COL4A4: variants seen among roughly 807,000 people sequenced by gnomAD.
COL4A4 encodes the protein collagen type IV alpha 4 chain, also known as collagen alpha-4(IV) chain.
Under a neutral mutation model 192.9 loss-of-function variants are expected in COL4A4, and 105 were observed. The ratio of observed to expected loss-of-function variants is 0.54; its 90% CI spans 0.46 to 0.64. The LOEUF (loss-of-function observed/expected upper bound fraction) is 0.64. Ranked by LOEUF, COL4A4 falls within the 30% of genes least tolerant of loss-of-function variation. The pLI is 0.00. For missense variants in COL4A4, 1,967 were observed against 2,169.3 expected (o/e 0.91, Z 1.85); for synonymous variants, 762 against 769.9 (o/e 0.99, Z 0.17).
chr2:226,993,274 C>G, the COL4A4 span, among the ~76,000 whole-genome samples: 2 of 152,228 alleles, frequency 1.3e-5, no homozygotes, highest in Admixed American at 1.3e-4. Context: ...AGCAGTCTTT[C>G]AGCCTCCATG....
chr2:227,048,990 G>A (rs10177528), intron 34 of COL4A4, among the ~76,000 whole-genome samples: 77,940 of 151,956 alleles, frequency 0.51, 20,117 homozygotes, highest in South Asian at 0.63. Flanking sequence ...TAAGGCAGAG[G>A]ATTGTAGGTC....
chr2:227,026,371 G>A (rs956789348), intron 42 of COL4A4, among the ~76,000 whole-genome samples: 2 of 151,974 alleles, frequency 1.3e-5, no homozygotes, highest in African/African-American at 2.4e-5. Flanking sequence ...GGTGGCGGGC[G>A]CCTGTAGTCC....
rs1326890559 is a variant in COL4A4 at position 227,123,786 on chromosome 2, G to C, written c.193-2638C>G. On this transcript the variant is annotated intron_variant, in intron 4 of 47. Coordinates refer to ENST00000396625, the MANE Select transcript of COL4A4 (RefSeq NM_000092.5). The surrounding 1 kb of genome is among the most constrained non-coding windows in gnomAD (Gnocchi z 4.6). ...TGTGGGACCCCAAAAGCACGTGCAA[G>C]CTGCCAGCAAAGTCCATCTGTTCAG... Among the ~76,000 whole-genome samples the C allele has an allele frequency of 2.6e-5, 4 of 152,178 alleles. No homozygotes were observed. Among genetic ancestry groups the C allele is most frequent in the Non-Finnish European group, 5.9e-5 (4 of 68,038 alleles).
chr2:227,094,374 C>G (rs772577640), intron 19 of COL4A4, 85 bp from the exon 20 acceptor site: 61 of 1,395,532 alleles, frequency 4.4e-5, no homozygotes, highest in Non-Finnish European at 5.7e-5. Context: ...TACACACTTG[C>G]TTAGGTTATC....
rs16823202 is a variant in COL4A4, at chr2:227,101,432, C to T, written c.1029+72G>A. 740,029 of 1,239,530 alleles carry T rather than the reference C, an allele frequency of 0.6. 224,169 individuals carry two copies. The highest frequency in any genetic ancestry group is 0.78 in the African/African-American group (51,064 of 65,216). 76.8% of individuals were successfully genotyped at this position (1,239,530 alleles called of 1,614,324 possible). On this transcript the variant is annotated intron_variant, in intron 17 of 47. Coordinates refer to ENST00000396625, the MANE Select transcript of COL4A4 (RefSeq NM_000092.5). ...TCTTGAATGATTCCTGGCAATACTT[C>T]TAAAAATAAATTAGATAATATTAAG...
chr2:227,146,113 T>C (rs564355485), intron 2 of COL4A4, among the ~76,000 whole-genome samples: 10 of 152,324 alleles, frequency 6.6e-5, no homozygotes, highest in African/African-American at 2.2e-4. Flanking sequence ...AAACCTTTTA[T>C]AGAAGAGCAA....
intron 25 of COL4A4, among the ~76,000 whole-genome samples, chr2:227,070,218 A>G (rs1337722151): frequency 1.3e-5 from 2 of 151,938 alleles, no homozygotes; most frequent in African/African-American, 4.8e-5. Context: ...GTCAGGAAAC[A>G]ACAAGTGCTG....
chr2:227,146,212 T>C (rs1365591854), intron 2 of COL4A4, among the ~76,000 whole-genome samples: 2 of 152,116 alleles, frequency 1.3e-5, no homozygotes, highest in Non-Finnish European at 2.9e-5. Flanking sequence ...CCGAAGCTCC[T>C]TCATAGTCCC....
chr2:227,060,030 G>A (rs1027801560), intron 27 of COL4A4, 106 bp downstream of exon 27: 3 of 767,010 alleles, frequency 3.9e-6, no homozygotes, highest in Non-Finnish European at 6.4e-6. Context: ...AGGGATCCCT[G>A]GACCATTTCC....
chr2:227,028,737 C>T (rs557757477), intron 41 of COL4A4, among the ~76,000 whole-genome samples: 6 of 151,616 alleles, frequency 4.0e-5, no homozygotes, highest in African/African-American at 1.5e-4. Context: ...CTCACTGCAG[C>T]CTCCAACTCT....
At chr2:227,126,183 G>C (rs2062075095) in intron 4 of COL4A4, among the ~76,000 whole-genome samples, 1 of 152,144 alleles carries the variant, frequency 6.6e-6, no homozygotes, top group African/African-American at 2.4e-5. Flanking sequence ...ACCTAGAAAT[G>C]ATTTGTAGTA....
chr2:227,100,631 T>C (rs2060455802), intron 17 of COL4A4, among the ~76,000 whole-genome samples: 1 of 152,060 alleles, frequency 6.6e-6, no homozygotes, highest in African/African-American at 2.4e-5. Flanking sequence ...AGGGTTTTGG[T>C]AGCCTAGGGG....
the COL4A4 span, among the ~76,000 whole-genome samples, chr2:226,982,515 T>C: frequency 6.6e-6 from 1 of 152,244 alleles, no homozygotes; most frequent in Non-Finnish European, 1.5e-5. Context: ...ATAGATGTAA[T>C]ACATCTCATA....
At chr2:227,109,310 A>G (rs1362846170) in intron 9 of COL4A4, 24 bp from the exon 10 acceptor site, 2 of 1,592,364 alleles carry the variant, frequency 1.3e-6, no homozygotes, top group Non-Finnish European at 1.7e-6. Context: ...AAATCAGTGC[A>G]TCTGTTACCC....
intron 1 of COL4A4, among the ~76,000 whole-genome samples, chr2:227,160,126 A>G (rs2125551762): frequency 1.3e-5 from 2 of 152,330 alleles, no homozygotes; most frequent in Admixed American, 1.3e-4. Context: ...AGTGAACCAG[A>G]GAAATCATAA....
chr2:226,970,220 ATTG>A, the COL4A4 span, among the ~76,000 whole-genome samples: 1 of 151,892 alleles, frequency 6.6e-6, no homozygotes, highest in African/African-American at 2.4e-5. Flanking sequence ...TTTACCTACT[ATTG>A]TTGCTAGCTG....
chr2:227,041,906 G>A lies in COL4A4; in HGVS notation c.3505+242C>T, dbSNP rs151074872. On this transcript the variant is annotated intron_variant, in intron 37 of 47. Transcript: ENST00000396625. ...AGAAAGAAAGAAAGAAAGAAAGAAA[G>A]AAAGAAAGAAAGAAAGAAAATGGTA... 4.2e-3 allele frequency among the ~76,000 whole-genome samples: 631 copies of A among 149,592 alleles called. 10 individuals carry two copies. Among genetic ancestry groups the A allele is most frequent in the African/African-American group, 0.015 (589 of 39,520 alleles).
At position 227,140,219 on chromosome 2, in the gene COL4A4, C is replaced by T; in HGVS notation, c.134G>A (p.Gly45Asp). The T allele has an allele frequency of 6.2e-7, 1 of 1,614,088 alleles. No homozygotes were observed. Among genetic ancestry groups the T allele is most frequent in the Non-Finnish European group, 8.5e-7 (1 of 1,179,960 alleles). Residue 45 changes from glycine (G) to aspartate (D), a missense_variant, in exon 4 of 48, where the codon GGT becomes GAT. Physicochemically the swap from Gly to Asp is moderately conservative, Grantham distance 94. Transcript: ENST00000396625. ...YVYGSGKKYI[G>D]PCGGRDCSVC... ...AGAGCAATCTCTTCCTCCACAAGGA[C>T]CAATGTATTTCTTTCCACTCTGGAA...
chr2:227,147,577 G>T lies in COL4A4; in HGVS notation c.-94C>A. On this transcript the variant is annotated 5_prime_UTR_variant, in exon 2 of 48. Transcript: ENST00000396625. ...GTGAGGTTCTGTGTTCTGGGTCAAA[G>T]TCTGTTCCTGTTAGATATAAATATA... The T allele has an allele frequency of 9.8e-7, 1 of 1,015,776 alleles. No homozygotes were observed. The highest frequency in any genetic ancestry group is 1.6e-6 in the Non-Finnish European group (1 of 642,896). 62.9% of individuals were successfully genotyped at this position (1,015,776 alleles called of 1,614,324 possible).
Sources: allele counts gnomAD v4.1 joint callset (sites outside exome capture counted in the v4.1 genomes callset), GRCh38; gene constraint gnomAD v4.1.1; non-coding constraint Gnocchi (gnomAD v3.1); transcripts MANE v1.5; gene names NCBI Gene and HGNC (gene_info 2026-07-23, HGNC 2026-07-21).